The following EP300 variants were observed in gnomAD, a reference collection of about 807,000 sequenced individuals.
The protein encoded by EP300 is histone acetyltransferase p300.
A neutral mutation model predicts 264.0 loss-of-function variants in EP300; 31 were observed. The observed-to-expected ratio is 0.12, with a 90% confidence interval of 0.09 to 0.16. The LOEUF (loss-of-function observed/expected upper bound fraction) is 0.16, where lower values mean the gene tolerates loss of function less well. Ranked by LOEUF, EP300 falls within the 10% of genes least tolerant of loss-of-function variation. The probability of loss-of-function intolerance (pLI) is 1.00; values close to 1 mark genes in which losing one functional copy is unlikely to be tolerated. For synonymous variants in EP300, 1,340 were observed against 1,045.4 expected (o/e 1.28, Z -5.44); for missense variants, 2,766 against 3,052.9 (o/e 0.91, Z 2.21).
Position 41,169,524 on chromosome 22 carries a change from C to G in EP300, c.4194C>G (p.Leu1398=), listed in dbSNP as rs1055946737. ...ATAGGAGAGTATACATATCTTACCT[C>G]GATAGTGTTCATTTCTTCCGTCCTA... ...PNQRRVYISY[L]DSVHFFRPKC... is the part of the protein sequence containing the mutation. The change falls in exon 26 of 31, where the codon CTC becomes CTG. Residue 1398 remains leucine, a synonymous_variant. Transcript: ENST00000263253. 6.2e-7 allele frequency: 1 copy of G among 1,607,972 alleles called. No homozygotes were observed. Among genetic ancestry groups the G allele is most frequent in the Non-Finnish European group, 8.5e-7 (1 of 1,176,654 alleles).
intron 16 of EP300, 100 bp from the exon 17 acceptor site, chr22:41,154,889 TTTGTTA>T (rs1815140732): frequency 1.3e-6 from 1 of 799,108 alleles, no homozygotes; most frequent in African/African-American, 1.7e-5. Context: ...AGTGGTTAAT[TTTGTTA>T]TTGATTCTTG....
At chr22:41,148,949 C>T (rs2145735452) in intron 12 of EP300, 89 bp from the exon 13 acceptor site, 1 of 1,580,618 alleles carries the variant, frequency 6.3e-7, no homozygotes, top group Non-Finnish European at 8.7e-7. Context: ...ACTTAATAAG[C>T]CTGACGTTAG....
intron 1 of EP300, among the ~76,000 whole-genome samples, chr22:41,112,256 C>T (rs2058796421): frequency 6.6e-6 from 1 of 151,460 alleles, no homozygotes; most frequent in Non-Finnish European, 1.5e-5. Context: ...GTGGCACTGT[C>T]TCTGCTCACT....
chr22:41,174,880 ATGT>A (rs1327513572), intron 29 of EP300: 1 of 152,098 alleles, frequency 6.6e-6, no homozygotes, highest in African/African-American at 2.4e-5. Flanking sequence ...TGTTATAATG[ATGT>A]TATCATGGTG....
At chr22:41,131,729 A>C (rs1163515256) in intron 6 of EP300, 96 bp downstream of exon 6, 1 of 1,574,998 alleles carries the variant, frequency 6.3e-7, no homozygotes, top group African/African-American at 1.4e-5. Context: ...TTTTTCTGCT[A>C]CATGATTTTT....
At chr22:41,096,227 A>G (rs888875093) in intron 1 of EP300, among the ~76,000 whole-genome samples, 2 of 152,192 alleles carry the variant, frequency 1.3e-5, no homozygotes, top group Non-Finnish European at 2.9e-5. Context: ...AAGACTGGAA[A>G]AGTTAATGTT....
At chr22:41,167,584 G>GTGTATATATATATATA (rs869093144) in intron 23 of EP300, among the ~76,000 whole-genome samples, 3 of 34,492 alleles carry the variant, frequency 8.7e-5, no homozygotes, top group South Asian at 8.0e-4. Context: ...GTGTGTGTGT[G>GTGTATATATATATATA]TATATATATA....
At position 41,178,311 on chromosome 22, in the gene EP300, A is replaced by C. The variant is rs751169831; in HGVS notation, c.6600A>C (p.Gly2200=). 1.2e-6 allele frequency: 2 copies of C among 1,614,162 alleles called. No individual in the cohort carries two copies. The highest frequency in any genetic ancestry group is 1.7e-6 in the Non-Finnish European group (2 of 1,180,018). The change falls in exon 31 of 31, where the codon GGA becomes GGC. Residue 2200 remains glycine (G), a synonymous_variant. Coordinates refer to ENST00000263253, the MANE Select transcript of EP300 (RefSeq NM_001429.4). ...QQQQQQGAGP[G]IGPGMANHNQ... is the part of the protein sequence containing the mutation. The stretch of plus-strand genomic sequence containing the variant: ...AGCAGCAACAGGGAGCAGGGCCAGG[A>C]ATAGGCCCTGGAATGGCCAACCATA...
chr22:41,124,570 G>A (rs751241006), intron 2 of EP300, among the ~76,000 whole-genome samples: 6 of 152,124 alleles, frequency 3.9e-5, no homozygotes, highest in Non-Finnish European at 7.4e-5. Context: ...GCTGTGGTGG[G>A]AGGATTGCTA....
rs534480156 is a variant in EP300 at position 41,166,049 on chromosome 22, T to C, written c.3807-550T>C. On this transcript the variant is annotated intron_variant, in intron 22 of 30. Transcript: ENST00000263253. ...ATCCACCCACCTCGACCTCCCAAAG[T>C]ACTGGGATTACAGGCGGGAGCCACC... 5.3e-5 allele frequency among the ~76,000 whole-genome samples: 8 copies of C among 152,284 alleles called. No individual in the cohort carries two copies. In the East Asian group the frequency reaches 1.5e-3, roughly 29 times the overall value.
chr22:41,177,020 G>T lies in EP300; in HGVS notation c.5309G>T (p.Gly1770Val). The T allele has an allele frequency of 6.2e-7, 1 of 1,614,170 alleles. No homozygotes were observed. The highest frequency in any genetic ancestry group is 8.5e-7 in the Non-Finnish European group (1 of 1,180,050). Residue 1770 changes from glycine (G) to valine (V), a missense_variant, in exon 31 of 31, where the codon GGT (glycine) becomes GTT (valine). Transcript: ENST00000263253. The part of the protein sequence containing the change: ...KMKRVVQHTK[G>V]CKRKTNGGCP... ...AAGCGGGTTGTGCAGCATACCAAGG[G>T]TTGCAAACGGAAAACCAATGGCGGG...
At position 41,135,892 on chromosome 22, in the gene EP300, C is replaced by A. The variant is rs370568560; in HGVS notation, c.1608C>A (p.Ala536=). The A allele has an allele frequency of 2.7e-5, 43 of 1,613,536 alleles. No homozygotes were observed. The African/African-American group carries it at 5.3e-4, about 20-fold the overall frequency. Residue 536 remains alanine (A), a synonymous_variant, in exon 7 of 31, where the codon GCC becomes GCA. Coordinates refer to ENST00000263253, the MANE Select transcript of EP300 (RefSeq NM_001429.4). ...TTTCTGACTCAATGTTGCATTCAGCCATAAATTCTCAAAAGTAAGTCTTAA... is the reference window on the plus strand; with the variant it reads ...TTTCTGACTCAATGTTGCATTCAGCAATAAATTCTCAAAAGTAAGTCTTAA... The part of the protein sequence containing the change: ...SLLSDSMLHS[A]INSQNPMMSE...
intron 16 of EP300, among the ~76,000 whole-genome samples, 200 bp from the exon 17 acceptor site, chr22:41,154,795 T>G (rs2059067505): frequency 6.6e-6 from 1 of 152,096 alleles, no homozygotes; most frequent in Non-Finnish European, 1.5e-5. Flanking sequence ...AGACACAATG[T>G]TTTTTAGGAG....
intron 4 of EP300, among the ~76,000 whole-genome samples, chr22:41,129,302 C>T (rs1336513291): frequency 7.2e-5 from 11 of 152,150 alleles, no homozygotes; most frequent in African/African-American, 2.4e-4. Flanking sequence ...TGAGCCACCG[C>T]GCCCGGCCAA....
At chr22:41,119,004 CT>C (rs972813377) in intron 2 of EP300, among the ~76,000 whole-genome samples, 96 of 130,954 alleles carry the variant, frequency 7.3e-4, no homozygotes, top group South Asian at 7.4e-4. Context: ...CCCCCGCCAC[CT>C]TTTTTTTTTT....
At position 41,179,374 on chromosome 22, in the gene EP300, C is replaced by A; in HGVS notation, c.*418C>A. The A allele has an allele frequency of 4.6e-6, 1 of 215,806 alleles. No individual in the cohort carries two copies. The highest frequency in any genetic ancestry group is 9.3e-6 in the Non-Finnish European group (1 of 106,986). The allele number at this position is 215,806 out of a possible 1,614,324, so 13.4% of individuals were successfully genotyped here. On this transcript the variant is annotated 3_prime_UTR_variant, in exon 31 of 31. Coordinates refer to ENST00000263253, the MANE Select transcript of EP300 (RefSeq NM_001429.4). ...TTGACATTTTTCCCTATTTTCCTCACTTTATGGAAGAGTTAAAACATTTCT... is the reference window on the plus strand; with the variant it reads ...TTGACATTTTTCCCTATTTTCCTCAATTTATGGAAGAGTTAAAACATTTCT...
rs188556192 is a variant in EP300 at position 41,167,739 on chromosome 22, C to T, written c.3875-710C>T. On this transcript the variant is annotated intron_variant, in intron 23 of 30. Transcript: ENST00000263253. ...ATTCAAGCAATCCTCCCACCTCAGC[C>T]TCCCAAAGTACAAGGATTAGGATTA... Among the ~76,000 whole-genome samples the T allele has an allele frequency of 3.3e-3, 475 of 144,690 alleles. 4 individuals are homozygous for T. The highest frequency in any genetic ancestry group is 0.011 in the African/African-American group (450 of 39,322). The allele number at this position is 144,690 out of a possible 152,430, so 94.9% of individuals were successfully genotyped here.
In EP300 at chr22:41,177,347, C is replaced by T. The variant is rs141530780; in HGVS notation, c.5636C>T (p.Pro1879Leu). 69 of 1,613,946 alleles carry T rather than the reference C, an allele frequency of 4.3e-5. No individual in the cohort carries two copies. Among genetic ancestry groups the T allele is most frequent in the Non-Finnish European group, 5.6e-5 (66 of 1,180,016 alleles). ...CCCACTTCTCAGCCTCAGCCTACCCCTCCCAATAGCATGCCACCCTACTTG... is the reference window on the plus strand; with the variant it reads ...CCCACTTCTCAGCCTCAGCCTACCCTTCCCAATAGCATGCCACCCTACTTG... The part of the protein sequence containing the change: ...PQPTSQPQPT[P>L]PNSMPPYLPR... The change falls in exon 31 of 31, where the codon CCT becomes CTT. Residue 1879 changes from proline to leucine, a missense_variant. Coordinates refer to ENST00000263253, the MANE Select transcript of EP300 (RefSeq NM_001429.4).
chr22:41,111,565 G>A (rs184037891), intron 1 of EP300, among the ~76,000 whole-genome samples: 107 of 150,718 alleles, frequency 7.1e-4, no homozygotes, highest in African/African-American at 2.6e-3. Flanking sequence ...GTTTTGAGAC[G>A]GAGTTTTGCT....
Sources: gnomAD v4.1 joint callset for allele counts (sites outside exome capture counted in the v4.1 genomes callset) on GRCh38, gnomAD v4.1.1 for gene constraint, MANE v1.5 for transcripts, NCBI Gene and HGNC (gene_info 2026-07-23, HGNC 2026-07-21) for gene names.